Variants in EFNB2 observed in about 807,000 individuals in gnomAD.
EFNB2 encodes the protein ephrin B2, also known as ephrin-B2.
In EFNB2, 5 loss-of-function variants were observed where a neutral mutation model predicts 32.1. The ratio of observed to expected loss-of-function variants is 0.16; its 90% confidence interval spans 0.08 to 0.33. The LOEUF (loss-of-function observed/expected upper bound fraction) is 0.33. Ranked by LOEUF, EFNB2 falls within the 10% of genes least tolerant of loss-of-function variation. The pLI is 1.00. For synonymous variants in EFNB2, 168 were observed against 166.5 expected, an observed-to-expected ratio of 1.01 and a Z score of -0.07; for missense variants, 263 against 422.6, an observed-to-expected ratio of 0.62 and a Z score of 3.31.
intron 2 of EFNB2, among the ~76,000 whole-genome samples, chr13:106,497,476 C>T (rs1878629225): frequency 7.4e-6 from 1 of 135,248 alleles, no homozygotes; most frequent in South Asian, 2.4e-4. Context: ...AAAAAAAAAA[C>T]CTAAAAATTT....
At chr13:106,515,962 C>T (rs1356980328) in intron 1 of EFNB2, among the ~76,000 whole-genome samples, 1 of 152,148 alleles carries the variant, frequency 6.6e-6, no homozygotes, top group Non-Finnish European at 1.5e-5. Flanking sequence ...AGTCTAGCTC[C>T]CTGAGGGCAG....
chr13:106,498,603 G>T (rs573232496), intron 2 of EFNB2, among the ~76,000 whole-genome samples: 17 of 152,230 alleles, frequency 1.1e-4, no homozygotes, highest in Non-Finnish European at 1.9e-4. Context: ...GGAAGGCTGT[G>T]TTGCATAAGA....
chr13:106,492,029 T>C lies in EFNB2; in HGVS notation c.*1011A>G, dbSNP rs1047682403. ...CCGAATATATCATCAGCGGCCTACT[T>C]TCTCCCTTCCCTCCAAGCCTGTTCC... On this transcript the variant is annotated 3_prime_UTR_variant, in exon 5 of 5. Coordinates refer to ENST00000646441, the MANE Select transcript of EFNB2 (RefSeq NM_004093.4). This position sits in a 1 kb window ranked among gnomAD's most constrained non-coding sequence, Gnocchi z 5.1. 6.6e-6 allele frequency: 1 copy of C among 152,616 alleles called. No individual in the cohort carries two copies. Among genetic ancestry groups the C allele is most frequent in the Non-Finnish European group, 1.5e-5 (1 of 68,088 alleles). The allele number at this position is 152,616 out of a possible 1,614,324, so 9.5% of individuals were successfully genotyped here.
At chr13:106,529,857 T>A (rs1879817829) in intron 1 of EFNB2, among the ~76,000 whole-genome samples, 1 of 152,236 alleles carries the variant, frequency 6.6e-6, no homozygotes, top group African/African-American at 2.4e-5. Context: ...TACTCTGCCC[T>A]TGATTTACAT....
chr13:106,505,163 C>T (rs546356179), intron 2 of EFNB2, among the ~76,000 whole-genome samples: 39 of 152,232 alleles, frequency 2.6e-4, no homozygotes, highest in Admixed American at 2.3e-3. Flanking sequence ...GCATACAGTC[C>T]ATCCTTTATA....
intron 1 of EFNB2, among the ~76,000 whole-genome samples, chr13:106,522,919 A>C (rs1879574005): frequency 6.6e-6 from 1 of 152,182 alleles, no homozygotes; most frequent in Non-Finnish European, 1.5e-5. Flanking sequence ...AAGAATGAAC[A>C]AATTAATAAG....
chr13:106,502,692 C>G (rs1187489143), intron 2 of EFNB2, among the ~76,000 whole-genome samples: 1 of 152,188 alleles, frequency 6.6e-6, no homozygotes, highest in Non-Finnish European at 1.5e-5. Flanking sequence ...AGGAGAAATT[C>G]TATCACAGCT....
chr13:106,523,155 C>A (rs1306429292), intron 1 of EFNB2, among the ~76,000 whole-genome samples: 1 of 152,022 alleles, frequency 6.6e-6, no homozygotes, highest in African/African-American at 2.4e-5. Context: ...CAGGGCTTTG[C>A]CACAGCCCGT....
chr13:106,531,271 G>C (rs1263994547), intron 1 of EFNB2, among the ~76,000 whole-genome samples: 1 of 152,166 alleles, frequency 6.6e-6, no homozygotes, highest in Non-Finnish European at 1.5e-5. Context: ...AGGCTACCAA[G>C]CATGTTGTGA....
chr13:106,523,382 T>C (rs984673664), intron 1 of EFNB2, among the ~76,000 whole-genome samples: 2 of 152,140 alleles, frequency 1.3e-5, no homozygotes, highest in Admixed American at 1.3e-4. Flanking sequence ...CAGCCTGGAA[T>C]TACCTTGACC....
intron 2 of EFNB2, among the ~76,000 whole-genome samples, chr13:106,510,787 A>C (rs1417102340): frequency 1.3e-5 from 2 of 152,192 alleles, no homozygotes; most frequent in African/African-American, 4.8e-5. Flanking sequence ...GCCAAGGCGG[A>C]AGGATCACAA....
At chr13:106,501,528 G>A (rs1332162710) in intron 2 of EFNB2, among the ~76,000 whole-genome samples, 1 of 151,814 alleles carries the variant, frequency 6.6e-6, no homozygotes, top group Non-Finnish European at 1.5e-5. Context: ...CTTAGAGCAA[G>A]TTTTATGGTA....
At chr13:106,533,362 C>T (rs559362426) in intron 1 of EFNB2, among the ~76,000 whole-genome samples, 1 of 152,244 alleles carries the variant, frequency 6.6e-6, no homozygotes, top group South Asian at 2.1e-4. Flanking sequence ...CCTCCCGAGC[C>T]GGCATCGATG....
At chr13:106,512,963 T>C in intron 1 of EFNB2, 151 bp from the exon 2 acceptor site, 2 of 658,140 alleles carry the variant, frequency 3.0e-6, no homozygotes, top group Non-Finnish European at 4.8e-6. Flanking sequence ...TTCAGATCAA[T>C]ATGGGATGAA....
At chr13:106,499,214 CAG>C (rs1878692837) in intron 2 of EFNB2, among the ~76,000 whole-genome samples, 1 of 151,998 alleles carries the variant, frequency 6.6e-6, no homozygotes, top group Non-Finnish European at 1.5e-5. Flanking sequence ...ATCCTCATCA[CAG>C]AGTGTAATTC....
In EFNB2 at chr13:106,492,961, G is replaced by T; in HGVS notation, c.*79C>A. 14 of 1,508,966 alleles carry T rather than the reference G, an allele frequency of 9.3e-6. No individual in the cohort carries two copies. Among genetic ancestry groups the T allele is most frequent in the Non-Finnish European group, 1.2e-5 (14 of 1,126,636 alleles). 93.5% of individuals were successfully genotyped at this position (1,508,966 alleles called of 1,614,324 possible). A position where few individuals can be genotyped will look rare whatever the true frequency, so the allele number is the denominator to read the frequency against. On this transcript the variant is annotated 3_prime_UTR_variant, in exon 5 of 5. Transcript: ENST00000646441. The surrounding 1 kb of genome is among the most constrained non-coding windows in gnomAD (Gnocchi z 5.1). ...TGTGCTTCAGTCAATTCTCCAGCAC[G>T]CGGGCTCTCAAACCCTCAAGGGAGG...
intron 1 of EFNB2, among the ~76,000 whole-genome samples, chr13:106,532,427 A>G (rs1187498567): frequency 6.6e-6 from 1 of 152,150 alleles, no homozygotes; most frequent in African/African-American, 2.4e-5. Context: ...TGAAACTTCA[A>G]TGCATTTGAT....
At position 106,494,862 on chromosome 13, in the gene EFNB2, A is replaced by C. The variant is rs1317794340; in HGVS notation, c.613+19T>G. The C allele has an allele frequency of 6.3e-7, 1 of 1,589,916 alleles. No individual in the cohort carries two copies. Among genetic ancestry groups the C allele is most frequent in the Admixed American group, 1.7e-5 (1 of 59,990 alleles). ...GTGGTACCCACAGACCTCCATACAC[A>C]CAGATCATGCTGTTATACCTGGATT... On this transcript the variant is annotated intron_variant, in intron 4 of 4. Coordinates refer to ENST00000646441, the MANE Select transcript of EFNB2 (RefSeq NM_004093.4).
intron 4 of EFNB2, 141 bp downstream of exon 4, chr13:106,494,740 T>G (rs1045329151): frequency 6.6e-5 from 43 of 650,430 alleles, no homozygotes; most frequent in Admixed American, 6.0e-4. Flanking sequence ...AATGACTCAC[T>G]GACAGCAAAG....
Sources: allele counts gnomAD v4.1 joint callset (sites outside exome capture counted in the v4.1 genomes callset), GRCh38; gene constraint gnomAD v4.1.1; non-coding constraint Gnocchi (gnomAD v3.1); transcripts MANE v1.5; gene names NCBI Gene and HGNC (gene_info 2026-07-23, HGNC 2026-07-21).